The following TEX11 variants were observed in gnomAD, a reference collection of about 807,000 sequenced individuals.
TEX11 encodes the protein testis expressed 11.
A neutral mutation model predicts 84.4 loss-of-function variants in TEX11; 7 were observed. The ratio of observed to expected loss-of-function variants is 0.08; its 90% CI spans 0.05 to 0.16. TEX11 has a LOEUF of 0.16. Ranked by LOEUF, TEX11 falls within the 10% of genes least tolerant of loss-of-function variation. The pLI is 1.00. For synonymous variants in TEX11, 264 were observed against 222.8 expected (o/e 1.18, Z -1.64); for missense variants, 551 against 660.5 (o/e 0.83, Z 1.82).
At chrX:70,769,949 C>T (rs1333385348) in intron 9 of TEX11, among the ~76,000 whole-genome samples, 2 of 111,773 alleles carry the variant, frequency 1.8e-5, no homozygotes, top group Non-Finnish European at 3.8e-5. Flanking sequence ...CAAAGAACTA[C>T]TATATTTCTT....
In TEX11 at chrX:70,902,008, G is replaced by A. The variant is rs145514544; in HGVS notation, c.37+5745C>T. ...CTCACAGCTGTAATCCTAGCACTTCGGGACACCGAGGAAGGAGGATCGCTT... is the reference window on the plus strand; with the variant it reads ...CTCACAGCTGTAATCCTAGCACTTCAGGACACCGAGGAAGGAGGATCGCTT... On this transcript the variant is annotated intron_variant, in intron 2 of 29. Transcript: ENST00000374333. Among the ~76,000 whole-genome samples, 605 of 112,698 alleles carry A rather than the reference G, an allele frequency of 5.4e-3. 4 individuals carry two copies. The highest frequency in any genetic ancestry group is 0.019 in the African/African-American group (584 of 31,115).
At chrX:70,749,937 T>A (rs1303085037) in intron 9 of TEX11, among the ~76,000 whole-genome samples, 2 of 110,793 alleles carry the variant, frequency 1.8e-5, no homozygotes, top group South Asian at 3.9e-4. Context: ...CTAATTAAAC[T>A]AAAGAGCTTC....
intron 25 of TEX11, among the ~76,000 whole-genome samples, chrX:70,584,365 TCAACAGACCTATAA>T (rs1353945505): frequency 7.0e-4 from 77 of 110,322 alleles, no homozygotes; most frequent in Non-Finnish European, 1.3e-3. Context: ...ATAGAAAATC[TCAACAGACCTATAA>T]CAAGTAAAGA....
At chrX:70,811,175 C>A (rs1025012121) in intron 8 of TEX11, among the ~76,000 whole-genome samples, 123 of 109,578 alleles carry the variant, frequency 1.1e-3, no homozygotes, top group African/African-American at 3.8e-3. Flanking sequence ...TCCCTCCCCC[C>A]TGCCCCCACC....
chrX:70,889,600 A>G (rs2091727150), intron 2 of TEX11, among the ~76,000 whole-genome samples: 2 of 111,958 alleles, frequency 1.8e-5, no homozygotes, highest in Non-Finnish European at 3.8e-5. Flanking sequence ...AAATAGTACA[A>G]TAAGATATAA....
chrX:70,644,135 A>G (rs1480695828), intron 17 of TEX11, among the ~76,000 whole-genome samples: 2 of 102,502 alleles, frequency 2.0e-5, no homozygotes, highest in African/African-American at 7.1e-5. Context: ...ACTTCTCAAA[A>G]GAAGACATTT....
intron 7 of TEX11, among the ~76,000 whole-genome samples, chrX:70,838,146 C>T (rs181599133): frequency 8.9e-5 from 10 of 112,128 alleles, no homozygotes; most frequent in African/African-American, 2.6e-4. Flanking sequence ...TGGCCAGGCA[C>T]GGTAGCTCAC....
At chrX:70,717,671 T>TA (rs1223775787) in intron 13 of TEX11, among the ~76,000 whole-genome samples, 54 of 106,042 alleles carry the variant, frequency 5.1e-4, no homozygotes, top group East Asian at 8.7e-4. Flanking sequence ...TTTCATTGCT[T>TA]AAAAAAAAAA....
chrX:70,733,194 A>C (rs1453287724), intron 11 of TEX11, among the ~76,000 whole-genome samples: 1 of 112,095 alleles, frequency 8.9e-6, no homozygotes, highest in African/African-American at 3.2e-5. Context: ...AAAACCATAA[A>C]AACCCTAGAA....
intron 13 of TEX11, among the ~76,000 whole-genome samples, chrX:70,711,695 T>C (rs1306352338): frequency 8.9e-6 from 1 of 111,895 alleles, no homozygotes; most frequent in Admixed American, 9.5e-5. Flanking sequence ...ATTAGCCCTT[T>C]GTCAGATGAG....
At chrX:70,624,966 T>G (rs2089434630) in intron 18 of TEX11, 42 bp from the exon 19 acceptor site, 1 of 924,611 alleles carries the variant, frequency 1.1e-6, no homozygotes, top group Admixed American at 2.4e-5. Context: ...CATCTCAAAG[T>G]GATACTGCAA....
intron 28 of TEX11, among the ~76,000 whole-genome samples, chrX:70,534,331 A>G (rs1488267507): frequency 9.0e-6 from 1 of 110,964 alleles, no homozygotes; most frequent in Non-Finnish European, 1.9e-5. Context: ...GTGATAGATT[A>G]GAAGTGGGAG....
At chrX:70,554,834 GATTAT>G in intron 25 of TEX11, 34 bp from the exon 26 acceptor site, 6 of 1,152,407 alleles carry the variant, frequency 5.2e-6, no homozygotes, top group Non-Finnish European at 7.0e-6. Context: ...CATTCTTTGT[GATTAT>G]ATTATATTAT....
At chrX:70,655,113 T>C (rs1274399113) in intron 16 of TEX11, among the ~76,000 whole-genome samples, 1 of 110,604 alleles carries the variant, frequency 9.0e-6, no homozygotes, top group African/African-American at 3.3e-5. Context: ...CTAAAATATA[T>C]AAAGCAAAAA....
At chrX:70,790,184 G>C (rs1167505149) in intron 9 of TEX11, among the ~76,000 whole-genome samples, 1 of 112,078 alleles carries the variant, frequency 8.9e-6, no homozygotes, top group African/African-American at 3.2e-5. Context: ...TAAGGAACAA[G>C]ATGGTTCAAG....
At chrX:70,888,865 C>T (rs1448550037) in intron 2 of TEX11, among the ~76,000 whole-genome samples, 2 of 111,333 alleles carry the variant, frequency 1.8e-5, no homozygotes, top group Non-Finnish European at 3.8e-5. Context: ...TGAAATGGAG[C>T]TCCAATATGT....
intron 11 of TEX11, among the ~76,000 whole-genome samples, chrX:70,731,645 A>C (rs1267734399): frequency 3.0e-4 from 33 of 111,573 alleles, no homozygotes; most frequent in East Asian, 5.6e-4. Flanking sequence ...CAGGCTCTAA[A>C]ATTGAGGCAA....
At chrX:70,760,486 C>T (rs780538302) in intron 9 of TEX11, among the ~76,000 whole-genome samples, 1 of 111,562 alleles carries the variant, frequency 9.0e-6, no homozygotes, top group Admixed American at 9.5e-5. Flanking sequence ...TTTGACAAAC[C>T]TGACAAAAAC....
intron 9 of TEX11, among the ~76,000 whole-genome samples, chrX:70,778,564 C>T (rs917052265): frequency 1.8e-5 from 2 of 111,437 alleles, no homozygotes; most frequent in African/African-American, 6.5e-5. Context: ...AAGCAACCCT[C>T]CCATCTCAGC....
Sources: allele counts gnomAD v4.1 joint callset (sites outside exome capture counted in the v4.1 genomes callset), GRCh38; gene constraint gnomAD v4.1.1; transcripts MANE v1.5; gene names NCBI Gene and HGNC (gene_info 2026-07-23, HGNC 2026-07-21).